Variants in CBL observed in about 807,000 individuals in gnomAD.
The protein encoded by CBL is E3 ubiquitin-protein ligase CBL.
CBL carries 45 observed loss-of-function variants against 96.9 expected under a neutral mutation model. That is an observed-to-expected ratio of 0.46 (90% CI 0.37 to 0.60). The LOEUF is 0.60. Among genes scored for constraint, CBL ranks in the 20% least tolerant of loss-of-function variants. The probability of loss-of-function intolerance (pLI) is 0.00; values close to 1 mark genes in which losing one functional copy is unlikely to be tolerated. For missense variants in CBL, 1,024 were observed against 1,143.5 expected, an observed-to-expected ratio of 0.90 and a Z score of 1.51; for synonymous variants, 420 against 426.8, an observed-to-expected ratio of 0.98 and a Z score of 0.20.
Position 119,298,206 on chromosome 11 carries a change from T to A in CBL, c.2252-152T>A. 3 of 741,254 alleles carry A rather than the reference T, an allele frequency of 4.0e-6. No homozygotes were observed. In the South Asian group the frequency reaches 4.4e-5, roughly 11 times the overall value. The allele number at this position is 741,254 out of a possible 1,614,324, so 45.9% of individuals were successfully genotyped here. ...ATTTTATTTTCTATTTTTATCTCTGTTTACATGGTGTTTGGCCCACAGTAG... is the reference window on the plus strand; with the variant it reads ...ATTTTATTTTCTATTTTTATCTCTGATTACATGGTGTTTGGCCCACAGTAG... On this transcript the variant is annotated intron_variant, in intron 14 of 15. Transcript: ENST00000264033.
chr11:119,238,102 C>G (rs1367695586), intron 2 of CBL, among the ~76,000 whole-genome samples: 2 of 152,020 alleles, frequency 1.3e-5, no homozygotes, highest in Admixed American at 6.6e-5. Flanking sequence ...GAACTCCTGA[C>G]CTCAAGTGAT....
chr11:119,221,366 A>G (rs558783152), intron 1 of CBL, among the ~76,000 whole-genome samples: 14 of 152,158 alleles, frequency 9.2e-5, no homozygotes, highest in Non-Finnish European at 1.9e-4. Context: ...AGTCTAGGCA[A>G]CATAGTGAGA....
At chr11:119,222,012 G>C (rs759489295) in intron 1 of CBL, among the ~76,000 whole-genome samples, 1 of 152,122 alleles carries the variant, frequency 6.6e-6, no homozygotes, top group Non-Finnish European at 1.5e-5. Context: ...CTTCTTGACA[G>C]GAGGTTAATA....
At chr11:119,284,945 T>C in intron 9 of CBL, 24 bp from the exon 10 acceptor site, 1 of 1,613,786 alleles carries the variant, frequency 6.2e-7, no homozygotes, top group Non-Finnish European at 8.5e-7. Context: ...GAAAGTAATC[T>C]GTTAAATTTT....
intron 3 of CBL, among the ~76,000 whole-genome samples, chr11:119,272,239 A>C (rs1044958789): frequency 1.7e-4 from 26 of 152,126 alleles, no homozygotes; most frequent in African/African-American, 6.3e-4. Context: ...CTCCTGCCTC[A>C]GCCTCCTGAG....
At chr11:119,296,844 A>T in intron 12 of CBL, 74 bp from the exon 13 acceptor site, 2 of 776,780 alleles carry the variant, frequency 2.6e-6, no homozygotes, top group Non-Finnish European at 4.6e-6. Context: ...GTCTGTTTTT[A>T]AGCCATTTAT....
At chr11:119,212,636 A>C (rs182503406) in intron 1 of CBL, among the ~76,000 whole-genome samples, 1 of 152,102 alleles carries the variant, frequency 6.6e-6, no homozygotes, top group South Asian at 2.1e-4. Flanking sequence ...CAAAATAAAT[A>C]AATGAATGAA....
intron 1 of CBL, among the ~76,000 whole-genome samples, chr11:119,232,148 C>A (rs1396352919): frequency 2.0e-5 from 3 of 152,008 alleles, no homozygotes; most frequent in African/African-American, 7.2e-5. Context: ...AGTAATTTGC[C>A]ATATTTCATC....
chr11:119,212,372 T>C (rs573164386), intron 1 of CBL, among the ~76,000 whole-genome samples: 2 of 151,920 alleles, frequency 1.3e-5, no homozygotes, highest in African/African-American at 4.8e-5. Context: ...ATGCTTATAA[T>C]CCCAGCACTT....
chr11:119,246,087 G>T (rs887711944), intron 2 of CBL, among the ~76,000 whole-genome samples: 7 of 138,726 alleles, frequency 5.0e-5, no homozygotes, highest in Non-Finnish European at 7.6e-5. Flanking sequence ...GAATTCTTCT[G>T]CCTCAGTCTC....
intron 1 of CBL, among the ~76,000 whole-genome samples, chr11:119,225,585 G>GA (rs1181035638): frequency 6.6e-6 from 1 of 151,982 alleles, no homozygotes; most frequent in African/African-American, 2.4e-5. Flanking sequence ...TTTTTGTAGA[G>GA]ATAGGGTTTT....
At chr11:119,250,154 A>G (rs1949660366) in intron 2 of CBL, among the ~76,000 whole-genome samples, 1 of 152,178 alleles carries the variant, frequency 6.6e-6, no homozygotes, top group South Asian at 2.1e-4. Flanking sequence ...GTGTTCTGGG[A>G]CACAGCTATG....
At chr11:119,214,591 G>A (rs1337804879) in intron 1 of CBL, among the ~76,000 whole-genome samples, 2 of 152,190 alleles carry the variant, frequency 1.3e-5, no homozygotes, top group Non-Finnish European at 2.9e-5. Context: ...TGTTTAACTA[G>A]TATTATTCAA....
chr11:119,236,730 A>G (rs911333986), intron 2 of CBL, among the ~76,000 whole-genome samples: 1 of 151,612 alleles, frequency 6.6e-6, no homozygotes, highest in African/African-American at 2.4e-5. Context: ...TCCCCTAGCA[A>G]TGTATGTGGG....
intron 1 of CBL, among the ~76,000 whole-genome samples, chr11:119,229,674 G>A (rs1233199461): frequency 6.6e-6 from 1 of 151,018 alleles, no homozygotes; most frequent in South Asian, 2.1e-4. Flanking sequence ...ATGTTGTATT[G>A]AGAATGATGT....
chr11:119,254,389 T>C (rs1369348902), intron 2 of CBL, among the ~76,000 whole-genome samples: 1 of 152,182 alleles, frequency 6.6e-6, no homozygotes, highest in East Asian at 1.9e-4. Context: ...TTAGTTGTTG[T>C]GTGAACGTCA....
chr11:119,232,566 A>G lies in CBL; in HGVS notation c.314A>G (p.Lys105Arg), dbSNP rs1224657938. ...LRTILSRYEGKMETLGENEYF... is the reference protein window; with the variant it reads ...LRTILSRYEGRMETLGENEYF... Reference sequence around the variant, plus strand: ...ACTATCTTGTCAAGATATGAGGGGAAGATGGAGACACTTGGAGAAAATGAG... The same window carrying G: ...ACTATCTTGTCAAGATATGAGGGGAGGATGGAGACACTTGGAGAAAATGAG... The change falls in exon 2 of 16, where the codon AAG becomes AGG. Residue 105 changes from lysine to arginine, a missense_variant. Lys to Arg is a conservative substitution (Grantham distance 26). Coordinates refer to ENST00000264033, the MANE Select transcript of CBL (RefSeq NM_005188.4). 6.2e-7 allele frequency: 1 copy of G among 1,614,186 alleles called. No homozygotes were observed.
At position 119,304,874 on chromosome 11, in the gene CBL, C is replaced by G. The variant is rs757662885; in HGVS notation, c.*5093C>G. 15 of 189,682 alleles carry G rather than the reference C, an allele frequency of 7.9e-5. No homozygotes were observed. The highest frequency in any genetic ancestry group is 1.7e-4 in the Non-Finnish European group (15 of 90,314). The allele number at this position is 189,682 out of a possible 1,614,324, so 11.7% of individuals were successfully genotyped here. A position where few individuals can be genotyped will look rare whatever the true frequency, so the allele number is the denominator to read the frequency against. On this transcript the variant is annotated 3_prime_UTR_variant, in exon 16 of 16. Transcript: ENST00000264033. ...CTCCTGACCCTCATGATCCACCCAC[C>G]TCGGCCTCCCAAAGTGCTAAGATTA... is the stretch of plus-strand genomic sequence containing the variant.
At chr11:119,210,618 T>TTC (rs1331044664) in intron 1 of CBL, among the ~76,000 whole-genome samples, 5 of 147,644 alleles carry the variant, frequency 3.4e-5, no homozygotes, top group African/African-American at 1.3e-4. Context: ...TTTTTTTTTT[T>TTC]TTTTTTTTTT....
Sources: gnomAD v4.1 joint callset for allele counts (sites outside exome capture counted in the v4.1 genomes callset) on GRCh38, gnomAD v4.1.1 for gene constraint, MANE v1.5 for transcripts, NCBI Gene and HGNC (gene_info 2026-07-23, HGNC 2026-07-21) for gene names.